Variants in EDN1 observed in about 807,000 individuals in gnomAD.
EDN1 encodes the protein endothelin 1.
Under a neutral mutation model 21.7 loss-of-function variants are expected in EDN1, and 11 were observed. The ratio of observed to expected loss-of-function variants is 0.51; its 90% CI spans 0.32 to 0.84. The LOEUF is 0.84. Among genes scored for constraint, EDN1 ranks in the 40% least tolerant of loss-of-function variants. The probability of loss-of-function intolerance (pLI) is 0.03; values close to 1 mark genes in which losing one functional copy is unlikely to be tolerated. For missense variants in EDN1, 244 were observed against 262.3 expected (o/e 0.93, Z 0.48); for synonymous variants, 85 against 90.6 (o/e 0.94, Z 0.35).
chr6:12,291,419 C>A (rs546858879), intron 1 of EDN1, among the ~76,000 whole-genome samples: 1 of 152,142 alleles, frequency 6.6e-6, no homozygotes, highest in Non-Finnish European at 1.5e-5. Flanking sequence ...TTAGGCAGTG[C>A]GTGTGCATCT....
At chr6:12,268,946 A>G in the EDN1 span, among the ~76,000 whole-genome samples, 1 of 152,108 alleles carries the variant, frequency 6.6e-6, no homozygotes, top group Non-Finnish European at 1.5e-5. Context: ...AACAATATTA[A>G]TTCTTCCAAT....
the EDN1 span, among the ~76,000 whole-genome samples, chr6:12,262,107 T>C: frequency 6.6e-6 from 1 of 152,222 alleles, no homozygotes; most frequent in African/African-American, 2.4e-5. Context: ...CTAATTGCCA[T>C]AGGCCTATCA....
the EDN1 span, among the ~76,000 whole-genome samples, chr6:12,239,929 A>G: frequency 7.9e-5 from 12 of 152,154 alleles, no homozygotes; most frequent in African/African-American, 2.9e-4. Context: ...AGAAAAGGAA[A>G]AAGAAAGAAA....
the EDN1 span, among the ~76,000 whole-genome samples, chr6:12,232,678 A>AACACC: frequency 6.6e-6 from 1 of 152,248 alleles, no homozygotes; most frequent in African/African-American, 2.4e-5. Context: ...ATTAAAATAA[A>AACACC]GTTGATCCTA....
At chr6:12,230,549 G>A in the EDN1 span, among the ~76,000 whole-genome samples, 2 of 152,142 alleles carry the variant, frequency 1.3e-5, no homozygotes, top group Non-Finnish European at 2.9e-5. Context: ...ATTTTGAACA[G>A]TGAAACCACC....
the EDN1 span, among the ~76,000 whole-genome samples, chr6:12,280,187 G>C: frequency 6.6e-6 from 1 of 152,142 alleles, no homozygotes; most frequent in Non-Finnish European, 1.5e-5. Context: ...GGAAGATATT[G>C]CAAAAATTCT....
At chr6:12,246,259 G>A in the EDN1 span, among the ~76,000 whole-genome samples, 10 of 152,302 alleles carry the variant, frequency 6.6e-5, no homozygotes, top group South Asian at 1.0e-3. Flanking sequence ...GCAAGGGGCA[G>A]CATCTGAGAG....
At chr6:12,253,429 C>A in the EDN1 span, among the ~76,000 whole-genome samples, 2,778 of 151,976 alleles carry the variant, frequency 0.018, 89 homozygotes, top group African/African-American at 0.062. Context: ...AGAAAATAAA[C>A]AAGATACAAA....
At chr6:12,293,897 TATTA>T in intron 2 of EDN1, 40 bp from the exon 3 acceptor site, 1 of 1,608,820 alleles carries the variant, frequency 6.2e-7, no homozygotes, top group Admixed American at 1.7e-5. Flanking sequence ...TTTTAAAGAC[TATTA>T]ATTACACTAA....
At chr6:12,274,111 G>A in the EDN1 span, among the ~76,000 whole-genome samples, 1 of 152,160 alleles carries the variant, frequency 6.6e-6, no homozygotes, top group African/African-American at 2.4e-5. Flanking sequence ...AATTATCACT[G>A]TGACTAAACA....
the EDN1 span, among the ~76,000 whole-genome samples, chr6:12,247,800 A>G: frequency 6.6e-6 from 1 of 151,898 alleles, no homozygotes; most frequent in African/African-American, 2.4e-5. Context: ...TTGCCTCCCA[A>G]AGTGCTGGGA....
At chr6:12,272,622 T>TG in the EDN1 span, among the ~76,000 whole-genome samples, 2 of 70,210 alleles carry the variant, frequency 2.8e-5, no homozygotes, top group Admixed American at 2.4e-4. Context: ...TATGCCCAGC[T>TG]AATTTTTTTT....
the EDN1 span, among the ~76,000 whole-genome samples, chr6:12,243,293 G>GGAGGAGGAGGAGAGGAGGAGGA: frequency 6.9e-6 from 1 of 145,906 alleles, no homozygotes; most frequent in East Asian, 2.0e-4. Context: ...GTAAAGAGGA[G>GGAGGAGGAGGAGAGGAGGAGGA]GAGGAGGAGG....
the EDN1 span, among the ~76,000 whole-genome samples, chr6:12,250,028 C>T: frequency 2.0e-5 from 3 of 151,892 alleles, no homozygotes; most frequent in Admixed American, 6.6e-5. Flanking sequence ...TATACACACA[C>T]GCATATGTAT....
Position 12,290,405 on chromosome 6 carries a change from C to T in EDN1, c.-225C>T. On this transcript the variant is annotated 5_prime_UTR_variant, in exon 1 of 5. Transcript: ENST00000379375. ...CGCCAGGCGAACGGGTCCTGCGCCTCCTGCAGTCCCAGCTCTCCACCGCCG... is the reference window on the plus strand; with the variant it reads ...CGCCAGGCGAACGGGTCCTGCGCCTTCTGCAGTCCCAGCTCTCCACCGCCG... 5.2e-6 allele frequency: 3 copies of T among 579,668 alleles called. No homozygotes were observed. The highest frequency in any genetic ancestry group is 4.1e-5 in the South Asian group (2 of 49,138). The allele number at this position is 579,668 out of a possible 1,614,324, so 35.9% of individuals were successfully genotyped here. A position where few individuals can be genotyped will look rare whatever the true frequency, so the allele number is the denominator to read the frequency against.
chr6:12,258,628 T>C, the EDN1 span, among the ~76,000 whole-genome samples: 1 of 152,150 alleles, frequency 6.6e-6, no homozygotes, highest in Non-Finnish European at 1.5e-5. Flanking sequence ...AGCATCTCCT[T>C]TCAACGTGTG....
chr6:12,244,366 T>C, the EDN1 span, among the ~76,000 whole-genome samples: 1 of 152,228 alleles, frequency 6.6e-6, no homozygotes, highest in African/African-American at 2.4e-5. Context: ...ATCACATTTG[T>C]TACTATCACT....
At chr6:12,276,288 T>G in the EDN1 span, among the ~76,000 whole-genome samples, 2 of 152,078 alleles carry the variant, frequency 1.3e-5, no homozygotes, top group African/African-American at 4.8e-5. Flanking sequence ...CATTTTCCAG[T>G]AGCAGAAAGA....
chr6:12,294,436 G>T lies in EDN1; in HGVS notation c.533+32G>T, dbSNP rs372444646. 37 of 1,613,392 alleles carry T rather than the reference G, an allele frequency of 2.3e-5. No homozygotes were observed. The African/African-American group carries it at 4.4e-4, about 19-fold the overall frequency. On this transcript the variant is annotated intron_variant, in intron 4 of 4. Transcript: ENST00000379375. ...GGGAAGGAAGAAAAATTAGGTAAGA[G>T]GTTCACAAGAACAACTAGCCCCAGT...
Sources: gnomAD v4.1 joint callset for allele counts (sites outside exome capture counted in the v4.1 genomes callset) on GRCh38, gnomAD v4.1.1 for gene constraint, MANE v1.5 for transcripts, NCBI Gene and HGNC (gene_info 2026-07-23, HGNC 2026-07-21) for gene names.